The following ANKRD28 variants were observed in gnomAD, a reference collection of about 807,000 sequenced individuals.
ANKRD28 encodes the protein serine/threonine-protein phosphatase 6 regulatory ankyrin repeat subunit A.
In ANKRD28, 44 loss-of-function variants were observed where a neutral mutation model predicts 126.5. The ratio of observed to expected loss-of-function variants is 0.35; its 90% CI spans 0.27 to 0.45. The LOEUF is 0.45. ANKRD28 is among the 20% of genes least tolerant of loss of function. The probability of loss-of-function intolerance (pLI) is 1.00; values close to 1 mark genes in which losing one functional copy is unlikely to be tolerated. For synonymous variants in ANKRD28, 442 were observed against 468.5 expected, an observed-to-expected ratio of 0.94 and a Z score of 0.73; for missense variants, 1,110 against 1,316.6, an observed-to-expected ratio of 0.84 and a Z score of 2.43.
In ANKRD28 at chr3:15,737,066, T is replaced by C. The variant is rs754139011; in HGVS notation, c.519A>G (p.Ala173=). The change falls in exon 5 of 28, where the codon GCA becomes GCG. Residue 173 remains alanine (A), a synonymous_variant. Transcript: ENST00000683139. The part of the protein sequence containing the change: ...VNVSDRAGRT[A]LHHAAFSGHG... The stretch of plus-strand genomic sequence containing the variant: ...GTCCACTGAAAGCTGCATGATGTAA[T>C]GCAGTCCTCCCTGCTCGATCAGATA... 6.2e-6 allele frequency: 10 copies of C among 1,613,870 alleles called. No individual in the cohort carries two copies. In the South Asian group the frequency reaches 7.7e-5, roughly 12 times the overall value.
rs539269868 is a variant in ANKRD28 at position 15,827,069 on chromosome 3, A to T, written c.28-31763T>A. 5.9e-5 allele frequency among the ~76,000 whole-genome samples: 9 copies of T among 152,326 alleles called. No individual in the cohort carries two copies. The South Asian group carries it at 1.4e-3, about 25-fold the overall frequency. ...AGGCAAATTAAAACCATGAGATATC[A>T]TCTCACACCTGTTAGAACAGCTTCT... On this transcript the variant is annotated intron_variant, in intron 1 of 27. Coordinates refer to the ANKRD28 transcript ENST00000399451.
At chr3:15,788,058 T>C (rs2059861798) in intron 2 of ANKRD28, among the ~76,000 whole-genome samples, 1 of 152,186 alleles carries the variant, frequency 6.6e-6, no homozygotes, top group African/African-American at 2.4e-5. Flanking sequence ...GGGTTGCTCA[T>C]AATCTCAGCC....
intron 17 of ANKRD28, among the ~76,000 whole-genome samples, chr3:15,693,138 A>G (rs1239565537): frequency 6.6e-6 from 1 of 152,212 alleles, no homozygotes; most frequent in Non-Finnish European, 1.5e-5. Flanking sequence ...ACAGAGTTTT[A>G]GTTTTAACCT....
At chr3:15,685,048 A>T in intron 21 of ANKRD28, 178 bp downstream of exon 21, 1 of 616,002 alleles carries the variant, frequency 1.6e-6, no homozygotes, top group South Asian at 2.0e-5. Flanking sequence ...TCTTGGCTTT[A>T]GCATGACAAA....
rs112580606 is a variant in ANKRD28 at position 15,843,177 on chromosome 3, G to A, written c.27+16200C>T. ...AGAGGTAGCAGGCACATCACATGGT[G>A]AAAGTAGGAGCAAGACAGATCAAGT... On this transcript the variant is annotated intron_variant, in intron 1 of 27. Transcript: ENST00000399451. The surrounding 1 kb of genome is among the most constrained non-coding windows in gnomAD (Gnocchi z 5.2). Among the ~76,000 whole-genome samples the A allele has an allele frequency of 2.1e-3, 319 of 152,320 alleles. 2 individuals are homozygous for A. The highest frequency in any genetic ancestry group is 0.01 in the Middle Eastern group (3 of 294).
rs1240375550 is a variant in ANKRD28 at position 15,833,117 on chromosome 3, G to T, written c.27+26260C>A. Among the ~76,000 whole-genome samples the T allele has an allele frequency of 1.3e-5, 2 of 152,148 alleles. No individual in the cohort carries two copies. The highest frequency in any genetic ancestry group is 2.9e-5 in the Non-Finnish European group (2 of 68,022). ...TTAAAACTGAGTGTCAACTTGATTG[G>T]ATTGAAGGATGCAAAGTATTGATCC... On this transcript the variant is annotated intron_variant, in intron 1 of 27. Coordinates refer to the ANKRD28 transcript ENST00000399451. This position sits in a 1 kb window ranked among gnomAD's most constrained non-coding sequence, Gnocchi z 4.4.
chr3:15,730,741 T>C (rs186222398), intron 6 of ANKRD28, among the ~76,000 whole-genome samples: 1 of 152,236 alleles, frequency 6.6e-6, no homozygotes, highest in African/African-American at 2.4e-5. Context: ...AAAGGATAAT[T>C]ATAAATCTCT....
chr3:15,741,400 G>A (rs987657962), intron 4 of ANKRD28, among the ~76,000 whole-genome samples: 1 of 151,952 alleles, frequency 6.6e-6, no homozygotes, highest in Non-Finnish European at 1.5e-5. Flanking sequence ...ATAAGCACAC[G>A]GAAAATAATG....
chr3:15,762,209 A>AACAAAAC (rs1553624370), intron 3 of ANKRD28, among the ~76,000 whole-genome samples: 1 of 43,684 alleles, frequency 2.3e-5, no homozygotes, highest in African/African-American at 5.5e-5. Flanking sequence ...AAAAAAAAAA[A>AACAAAAC]AAAACAAAAC....
At chr3:15,792,434 G>T (rs1229303977) in intron 2 of ANKRD28, among the ~76,000 whole-genome samples, 1 of 152,106 alleles carries the variant, frequency 6.6e-6, no homozygotes, top group East Asian at 1.9e-4. Flanking sequence ...TAGAATTGGA[G>T]ATCATTATGT....
chr3:15,682,780 A>G (rs1323941204), intron 21 of ANKRD28, among the ~76,000 whole-genome samples: 1 of 152,236 alleles, frequency 6.6e-6, no homozygotes, highest in East Asian at 1.9e-4. Context: ...GCCAAATTAT[A>G]AAACGGGCTT....
At position 15,854,538 on chromosome 3, in the gene ANKRD28, A is replaced by T. The variant is rs2061720533; in HGVS notation, c.27+4839T>A. 6.6e-6 allele frequency among the ~76,000 whole-genome samples: 1 copy of T among 152,156 alleles called. No homozygotes were observed. ...GGTTCTATTTTGTATTGCAAAAGGT[A>T]TCCAAAAAGTGAGGAAACACAGAAC... On this transcript the variant is annotated intron_variant, in intron 1 of 27. Transcript: ENST00000399451. This position sits in a 1 kb window ranked among gnomAD's most constrained non-coding sequence, Gnocchi z 4.1.
intron 3 of ANKRD28, among the ~76,000 whole-genome samples, chr3:15,757,972 T>A (rs879602079): frequency 6.6e-6 from 1 of 152,230 alleles, no homozygotes; most frequent in Non-Finnish European, 1.5e-5. Context: ...CTGTAACTTG[T>A]ATCTTGCCAG....
intron 4 of ANKRD28, 65 bp from the exon 5 acceptor site, chr3:15,737,298 T>C (rs1358003807): frequency 2.9e-6 from 4 of 1,362,708 alleles, no homozygotes; most frequent in African/African-American, 2.9e-5. Context: ...TTTCTATATA[T>C]AGTGTGCGTG....
At chr3:15,777,718 G>T (rs570596275) in intron 2 of ANKRD28, among the ~76,000 whole-genome samples, 3 of 152,190 alleles carry the variant, frequency 2.0e-5, no homozygotes, top group African/African-American at 7.2e-5. Context: ...CCGAAATATG[G>T]AGAATGGTAG....
intron 2 of ANKRD28, among the ~76,000 whole-genome samples, chr3:15,774,792 G>A (rs1426803714): frequency 6.6e-6 from 1 of 152,116 alleles, no homozygotes; most frequent in Non-Finnish European, 1.5e-5. Flanking sequence ...AGTCAAAAAG[G>A]GCTCATATCC....
chr3:15,751,707 A>G, intron 4 of ANKRD28, 43 bp downstream of exon 4: 1 of 1,274,396 alleles, frequency 7.8e-7, no homozygotes, highest in South Asian at 1.3e-5. Flanking sequence ...ACGCCTATTT[A>G]ATGTTTTCAT....
At chr3:15,682,344 C>T (rs17041447) in intron 21 of ANKRD28, among the ~76,000 whole-genome samples, 6,272 of 152,196 alleles carry the variant, frequency 0.041, 424 homozygotes, top group African/African-American at 0.14. Flanking sequence ...CACTCACCAT[C>T]TGAGTACAGA....
intron 14 of ANKRD28, among the ~76,000 whole-genome samples, chr3:15,696,484 G>A (rs958522220): frequency 7.2e-5 from 11 of 151,988 alleles, no homozygotes; most frequent in African/African-American, 2.7e-4. Context: ...AAGTCTGTCA[G>A]ACAGCTTTTT....
Sources: allele counts gnomAD v4.1 joint callset (sites outside exome capture counted in the v4.1 genomes callset), GRCh38; gene constraint gnomAD v4.1.1; non-coding constraint Gnocchi (gnomAD v3.1); transcripts MANE v1.5; gene names NCBI Gene and HGNC (gene_info 2026-07-23, HGNC 2026-07-21).